Variants in LY75 observed in about 807,000 individuals in gnomAD.
LY75 encodes the protein C-type lectin domain family 13 member B.
A neutral mutation model predicts 231.7 loss-of-function variants in LY75; 185 were observed. The observed-to-expected ratio is 0.80, with a 90% CI of 0.71 to 0.90. The LOEUF is 0.90. Ranked by LOEUF, LY75 falls within the 40% of genes least tolerant of loss-of-function variation. The pLI is 0.00. For missense variants in LY75, 1,947 were observed against 2,050.2 expected, an observed-to-expected ratio of 0.95 and a Z score of 0.97; for synonymous variants, 668 against 689.0, an observed-to-expected ratio of 0.97 and a Z score of 0.48.
intron 23 of LY75, among the ~76,000 whole-genome samples, chr2:159,842,959 A>G (rs1684085307): frequency 6.6e-6 from 1 of 151,514 alleles, no homozygotes; most frequent in South Asian, 2.1e-4. Flanking sequence ...GATACTGACA[A>G]AAAAAAATGC....
intron 28 of LY75, among the ~76,000 whole-genome samples, chr2:159,820,291 TCAA>T (rs1683247836): frequency 1.3e-5 from 2 of 152,106 alleles, no homozygotes; most frequent in African/African-American, 4.8e-5. Context: ...TGCCCATCAA[TCAA>T]CAAGTGAACA....
Position 159,819,923 on chromosome 2 carries a change from A to G in LY75, c.3959-3T>C, listed in dbSNP as rs1683234681. On this transcript the variant is annotated splice_polypyrimidine_tract_variant and splice_region_variant and intron_variant, in intron 28 of 34. Transcript: ENST00000263636. ...ATCAAACCACATAAGAGACTTATCT[A>G]GAGAAGAAACATTTTTTCCTATGCT... The G allele has an allele frequency of 4.0e-6, 6 of 1,512,994 alleles. No homozygotes were observed. The African/African-American group carries it at 7.3e-5, about 18-fold the overall frequency. The allele number at this position is 1,512,994 out of a possible 1,614,324, so 93.7% of individuals were successfully genotyped here. A position where few individuals can be genotyped will look rare whatever the true frequency, so the allele number is the denominator to read the frequency against.
At chr2:159,834,514 C>A (rs1477978346) in intron 26 of LY75, among the ~76,000 whole-genome samples, 2 of 152,146 alleles carry the variant, frequency 1.3e-5, no homozygotes, top group Non-Finnish European at 1.5e-5. Context: ...CAAGGGACCA[C>A]CCCTAGAGAT....
At chr2:159,810,735 A>G (rs1682935861) in intron 31 of LY75, 60 bp from the exon 32 acceptor site, 2 of 1,588,906 alleles carry the variant, frequency 1.3e-6, no homozygotes, top group East Asian at 4.5e-5. Context: ...GCCTTTCAAA[A>G]TCTACTTCAA....
chr2:159,859,664 A>G (rs78589585), intron 15 of LY75, among the ~76,000 whole-genome samples: 163 of 152,364 alleles, frequency 1.1e-3, no homozygotes, highest in African/African-American at 3.8e-3. Flanking sequence ...TAAGAGTACC[A>G]GACCCAGACA....
At chr2:159,873,563 G>A (rs1027219907) in intron 12 of LY75, among the ~76,000 whole-genome samples, 1 of 152,132 alleles carries the variant, frequency 6.6e-6, no homozygotes, top group African/African-American at 2.4e-5. Flanking sequence ...GCCCAAACTA[G>A]ATCAGTCAAA....
Position 159,823,031 on chromosome 2 carries a change from A to G in LY75, c.3959-3111T>C, listed in dbSNP as rs182692055. On this transcript the variant is annotated intron_variant, in intron 28 of 34. Coordinates refer to ENST00000263636, the MANE Select transcript of LY75 (RefSeq NM_002349.4). ...GGCTGAAAATTCCAAAAACCAGAAC[A>G]CTTCTTCTCCTCCAAAGGATCACAA... Among the ~76,000 whole-genome samples, 829 of 152,252 alleles carry G rather than the reference A, an allele frequency of 5.4e-3. 9 individuals carry two copies. Among genetic ancestry groups the G allele is most frequent in the African/African-American group, 0.019 (800 of 41,548 alleles).
chr2:159,862,040 C>T (rs755490463), intron 14 of LY75, among the ~76,000 whole-genome samples: 46 of 152,052 alleles, frequency 3.0e-4, no homozygotes, highest in Non-Finnish European at 6.2e-4. Flanking sequence ...GTAGCTCACA[C>T]CTGTAATCCC....
rs761250461 is a variant in LY75, at chr2:159,878,767, G to A, written c.1516-46C>T. The A allele has an allele frequency of 3.8e-6, 6 of 1,598,276 alleles. No individual in the cohort carries two copies. In the South Asian group the frequency reaches 5.5e-5, roughly 15 times the overall value. On this transcript the variant is annotated intron_variant, in intron 9 of 34. Coordinates refer to ENST00000263636, the MANE Select transcript of LY75 (RefSeq NM_002349.4). The stretch of plus-strand genomic sequence containing the variant: ...TGTCAAACTCTTTTCCAGACTTGAT[G>A]GTGTCCCGTCTGGCAAGCATGTTTC...
At chr2:159,847,631 A>AAAT (rs1684243522) in intron 23 of LY75, among the ~76,000 whole-genome samples, 1 of 152,212 alleles carries the variant, frequency 6.6e-6, no homozygotes, top group African/African-American at 2.4e-5. Flanking sequence ...AAATTAAATG[A>AAAT]AATAATGTAT....
At position 159,840,674 on chromosome 2, in the gene LY75, A is replaced by G. The variant is rs1271297291; in HGVS notation, c.3507+55T>C. ...TCTGCTGTGAGAGAAGCTATGCACA[A>G]TAAAAAATGTCGCTTTCCATCACCC... On this transcript the variant is annotated intron_variant, in intron 25 of 34. Transcript: ENST00000263636. 3 of 1,610,846 alleles carry G rather than the reference A, an allele frequency of 1.9e-6. No homozygotes were observed. In the African/African-American group the frequency reaches 4.0e-5, roughly 22 times the overall value.
At position 159,886,521 on chromosome 2, in the gene LY75, C is replaced by T; in HGVS notation, c.812G>A (p.Gly271Asp). Residue 271 changes from glycine to aspartate, a missense_variant, in exon 5 of 35, where the codon GGC becomes GAC. Physicochemically the swap from Gly to Asp is moderately conservative, Grantham distance 94 (BLOSUM62 -1). Coordinates refer to ENST00000263636, the MANE Select transcript of LY75 (RefSeq NM_002349.4). ...ACCAATCCAGAAAATCTTAGCAATGCCTTCTTTTTCTGTAAGAATTAAAAA... is the reference window on the plus strand; with the variant it reads ...ACCAATCCAGAAAATCTTAGCAATGTCTTCTTTTTCTGTAAGAATTAAAAA... ...AELTYLKEKEGIAKIFWIGLN... is the reference protein window; with the variant it reads ...AELTYLKEKEDIAKIFWIGLN... 6.3e-7 allele frequency: 1 copy of T among 1,598,240 alleles called. No homozygotes were observed. The highest frequency in any genetic ancestry group is 8.5e-7 in the Non-Finnish European group (1 of 1,174,048).
chr2:159,900,350 T>A (rs1337860562), intron 1 of LY75, among the ~76,000 whole-genome samples: 1 of 152,260 alleles, frequency 6.6e-6, no homozygotes, highest in Non-Finnish European at 1.5e-5. Context: ...ATAATTTGGT[T>A]AGTTATTTTA....
chr2:159,830,483 T>G (rs539888608), intron 28 of LY75, among the ~76,000 whole-genome samples: 25 of 152,220 alleles, frequency 1.6e-4, no homozygotes, highest in Middle Eastern at 3.4e-3. Flanking sequence ...TATATTAGAC[T>G]GTTTTAAAAA....
chr2:159,856,078 T>TG (rs1164690600), intron 16 of LY75, among the ~76,000 whole-genome samples: 1 of 152,172 alleles, frequency 6.6e-6, no homozygotes, highest in Non-Finnish European at 1.5e-5. Flanking sequence ...TATTTGTGTG[T>TG]GGGGGAGGGA....
intron 16 of LY75, among the ~76,000 whole-genome samples, chr2:159,857,053 C>G (rs1560084454): frequency 6.6e-6 from 1 of 152,188 alleles, no homozygotes; most frequent in East Asian, 1.9e-4. Flanking sequence ...TAATTATATA[C>G]AAGTTACTTT....
intron 3 of LY75, among the ~76,000 whole-genome samples, chr2:159,891,795 C>G (rs1312088118): frequency 6.6e-6 from 1 of 152,216 alleles, no homozygotes; most frequent in East Asian, 1.9e-4. Flanking sequence ...CTGACCCTGA[C>G]AGGTCATTTC....
intron 28 of LY75, among the ~76,000 whole-genome samples, chr2:159,825,214 G>A (rs893381133): frequency 6.6e-6 from 1 of 152,092 alleles, no homozygotes; most frequent in Non-Finnish European, 1.5e-5. Flanking sequence ...CCACTAGCCA[G>A]ACTAATAAAG....
At position 159,805,121 on chromosome 2, in the gene LY75, G is replaced by C; in HGVS notation, c.5092C>G (p.Leu1698Val). The change falls in exon 35 of 35, where the codon CTG becomes GTG. Residue 1698 changes from leucine to valine, a missense_variant. Physicochemically the swap from Leu to Val is conservative, Grantham distance 32. Transcript: ENST00000263636. ...WFLFQRHRLH[L>V]AGFSSVRYAQ... ...TATCGAACTGATGAGAAACCCGCCA[G>C]GTGCAAACGGTGCCTTTGGAAGAGG... 1 of 1,614,082 alleles carries C rather than the reference G, an allele frequency of 6.2e-7. No homozygotes were observed. Among genetic ancestry groups the C allele is most frequent in the Non-Finnish European group, 8.5e-7 (1 of 1,179,952 alleles).
Sources: gnomAD v4.1 joint callset for allele counts (sites outside exome capture counted in the v4.1 genomes callset) on GRCh38, gnomAD v4.1.1 for gene constraint, MANE v1.5 for transcripts, NCBI Gene and HGNC (gene_info 2026-07-23, HGNC 2026-07-21) for gene names.